ZNF423: variants seen among roughly 807,000 people sequenced by gnomAD.
The protein encoded by ZNF423 is zinc finger protein 423.
In ZNF423, 12 loss-of-function variants were observed where a neutral mutation model predicts 95.8. The ratio of observed to expected loss-of-function variants is 0.13; its 90% CI spans 0.08 to 0.20. ZNF423 has a LOEUF of 0.20. ZNF423 is among the 10% of genes least tolerant of loss of function. The pLI is 1.00. For missense variants in ZNF423, 1,316 were observed against 1,737.1 expected (o/e 0.76, Z 4.31); for synonymous variants, 749 against 711.9 (o/e 1.05, Z -0.83).
At chr16:49,852,887 C>T (rs972260904) in intron 1 of ZNF423, among the ~76,000 whole-genome samples, 3 of 152,054 alleles carry the variant, frequency 2.0e-5, no homozygotes, top group Non-Finnish European at 2.9e-5. Context: ...AGGTTGTGTC[C>T]GTGAGTGGGA....
chr16:49,787,860 T>A (rs954433666), intron 2 of ZNF423, among the ~76,000 whole-genome samples: 4 of 152,084 alleles, frequency 2.6e-5, no homozygotes, highest in Non-Finnish European at 5.9e-5. Context: ...CTTTCCTAGT[T>A]CAGGGGTTCC....
chr16:49,658,614 A>G (rs2030022248), intron 3 of ZNF423, among the ~76,000 whole-genome samples: 1 of 152,160 alleles, frequency 6.6e-6, no homozygotes, highest in Non-Finnish European at 1.5e-5. Flanking sequence ...AGGCCTGGGG[A>G]AGGCTCTGGG....
At position 49,624,990 on chromosome 16, in the gene ZNF423, C is replaced by T. The variant is rs567247868; in HGVS notation, c.3601+1180G>A. 3.9e-5 allele frequency among the ~76,000 whole-genome samples: 6 copies of T among 152,314 alleles called. No homozygotes were observed. The East Asian group carries it at 5.8e-4, about 15-fold the overall frequency. ...ACTTATGAGAAGTTTTCTAAATGTA[C>T]GCAGTAAAGGGTTTTGTAAACCAGT... is the stretch of plus-strand genomic sequence containing the variant. On this transcript the variant is annotated intron_variant, in intron 5 of 7. Transcript: ENST00000563137.
chr16:49,758,165 G>T (rs1197067149), intron 2 of ZNF423, among the ~76,000 whole-genome samples: 1 of 152,162 alleles, frequency 6.6e-6, no homozygotes, highest in Non-Finnish European at 1.5e-5. Flanking sequence ...TTGAGACAGG[G>T]TCTCGCTCTG....
intron 3 of ZNF423, among the ~76,000 whole-genome samples, chr16:49,714,048 T>C (rs1341803972): frequency 6.6e-6 from 1 of 152,180 alleles, no homozygotes; most frequent in African/African-American, 2.4e-5. Flanking sequence ...CCAGGCACAG[T>C]TGCTTCTGAA....
At chr16:49,574,452 T>C (rs1970437363) in intron 5 of ZNF423, among the ~76,000 whole-genome samples, 3 of 152,202 alleles carry the variant, frequency 2.0e-5, no homozygotes, top group Admixed American at 6.5e-5. Context: ...GGCTGGGAAT[T>C]TGCATTTCTA....
intron 3 of ZNF423, among the ~76,000 whole-genome samples, chr16:49,675,263 G>A (rs1295381047): frequency 1.3e-5 from 2 of 152,146 alleles, no homozygotes; most frequent in East Asian, 1.9e-4. Context: ...CTCTGTAGTT[G>A]GTGACCTTTG....
intron 5 of ZNF423, among the ~76,000 whole-genome samples, chr16:49,589,956 G>A (rs1209890143): frequency 2.7e-5 from 4 of 150,940 alleles, no homozygotes; most frequent in Admixed American, 6.6e-5. Context: ...GCATGCAAAG[G>A]TTGTGAAATT....
chr16:49,487,603 C>T lies in ZNF423; in HGVS notation c.*3672G>A, dbSNP rs998350179. The stretch of plus-strand genomic sequence containing the variant: ...ATAAAATTAACAATGGAGTCAGACA[C>T]CCCAGGCTGGAAGGTGAGGCACCCA... On this transcript the variant is annotated 3_prime_UTR_variant, in exon 8 of 8. Coordinates refer to ENST00000563137, the MANE Select transcript of ZNF423 (RefSeq NM_001379286.1). 1.3e-5 allele frequency: 2 copies of T among 152,196 alleles called. No homozygotes were observed. The highest frequency in any genetic ancestry group is 2.9e-5 in the Non-Finnish European group (2 of 68,062). The allele number at this position is 152,196 out of a possible 1,614,324, so 9.4% of individuals were successfully genotyped here. A position where few individuals can be genotyped will look rare whatever the true frequency, so the allele number is the denominator to read the frequency against.
chr16:49,855,963 G>A lies in ZNF423; in HGVS notation c.-189C>T, dbSNP rs1162976950. ...CGGCCTCCCTTGGGGGGGCAGCCCG[G>A]GCCGGCCGAGGCCGCTCGAAGGCGG... On this transcript the variant is annotated 5_prime_UTR_variant, in exon 1 of 8. Coordinates refer to ENST00000563137, the MANE Select transcript of ZNF423 (RefSeq NM_001379286.1). The surrounding 1 kb of genome is among the most constrained non-coding windows in gnomAD (Gnocchi z 4.7). The A allele has an allele frequency of 6.6e-6, 1 of 150,586 alleles. No homozygotes were observed. Among genetic ancestry groups the A allele is most frequent in the East Asian group, 2.0e-4 (1 of 5,096 alleles). The allele number at this position is 150,586 out of a possible 1,614,324, so 9.3% of individuals were successfully genotyped here.
intron 1 of ZNF423, among the ~76,000 whole-genome samples, chr16:49,797,045 G>A (rs2034509577): frequency 6.6e-6 from 1 of 152,092 alleles, no homozygotes; most frequent in Non-Finnish European, 1.5e-5. Context: ...CCCAGCAGAG[G>A]TGGTGGCCAG....
chr16:49,685,808 C>T (rs1292709982), intron 3 of ZNF423, among the ~76,000 whole-genome samples: 1 of 152,158 alleles, frequency 6.6e-6, no homozygotes, highest in East Asian at 1.9e-4. Context: ...ACCCCCACCA[C>T]CCACACTGCT....
chr16:49,719,835 A>G (rs1382597425), intron 3 of ZNF423, among the ~76,000 whole-genome samples: 1 of 152,214 alleles, frequency 6.6e-6, no homozygotes, highest in African/African-American at 2.4e-5. Context: ...AGTTCTTTAT[A>G]GCAGTGTGAA....
chr16:49,819,459 T>A (rs2034907219), intron 1 of ZNF423, among the ~76,000 whole-genome samples: 1 of 151,780 alleles, frequency 6.6e-6, no homozygotes, highest in African/African-American at 2.4e-5. Context: ...CGAGTATCTT[T>A]TTTTTTGAGA....
rs1291336330 is a variant in ZNF423 at position 49,636,464 on chromosome 16, G to A, written c.2712C>T (p.Thr904=). 6.2e-7 allele frequency: 1 copy of A among 1,613,562 alleles called. No homozygotes were observed. The highest frequency in any genetic ancestry group is 8.5e-7 in the Non-Finnish European group (1 of 1,180,018). The part of the protein sequence containing the change: ...YGCDICGAAY[T]MEVLLQNHRL... ...GGTGATTCTGCAGCAGCACCTCCAT[G>A]GTGTAGGCCGCCCCACAGATGTCAC... Residue 904 remains threonine (T), a synonymous_variant, in exon 4 of 8, where the codon ACC becomes ACT. Coordinates refer to ENST00000563137, the MANE Select transcript of ZNF423 (RefSeq NM_001379286.1). The surrounding 1 kb of genome is among the most constrained non-coding windows in gnomAD (Gnocchi z 8.6).
intron 2 of ZNF423, among the ~76,000 whole-genome samples, chr16:49,731,630 T>C (rs562446882): frequency 1.3e-5 from 2 of 151,502 alleles, no homozygotes; most frequent in Admixed American, 6.6e-5. Context: ...CTGGGCAATA[T>C]AGCAAGACTC....
At chr16:49,536,958 T>A (rs185940305) in intron 5 of ZNF423, among the ~76,000 whole-genome samples, 1 of 152,326 alleles carries the variant, frequency 6.6e-6, no homozygotes, top group African/African-American at 2.4e-5. Flanking sequence ...AACAAGTGAT[T>A]AACAAATATT....
chr16:49,793,858 G>A (rs2143850235), intron 1 of ZNF423, among the ~76,000 whole-genome samples: 1 of 152,302 alleles, frequency 6.6e-6, no homozygotes, highest in East Asian at 1.9e-4. Context: ...GATTCACCAC[G>A]ATGCTAATGA....
chr16:49,753,105 G>A (rs1431063981), intron 2 of ZNF423, among the ~76,000 whole-genome samples: 4 of 147,816 alleles, frequency 2.7e-5, no homozygotes, highest in African/African-American at 4.9e-5. Flanking sequence ...TTAGCCAGGC[G>A]TGGTGGCGTG....
Sources: gnomAD v4.1 joint callset for allele counts (sites outside exome capture counted in the v4.1 genomes callset) on GRCh38, gnomAD v4.1.1 for gene constraint, Gnocchi (gnomAD v3.1) non-coding constraint, MANE v1.5 for transcripts, NCBI Gene and HGNC (gene_info 2026-07-23, HGNC 2026-07-21) for gene names.